The following CD36 variants were observed in gnomAD, a reference collection of about 807,000 sequenced individuals.
CD36 encodes the protein CD36 molecule (CD36 blood group), also known as platelet glycoprotein 4.
Under a neutral mutation model 55.2 loss-of-function variants are expected in CD36, and 119 were observed. The ratio of observed to expected loss-of-function variants is 2.15; its 90% CI spans 1.86 to 2.51. The LOEUF is 2.51. Ranked by LOEUF, CD36 falls within the 30% of genes most tolerant of loss-of-function variation. The pLI is 0.00. For synonymous variants in CD36, 186 were observed against 193.6 expected (o/e 0.96, Z 0.33); for missense variants, 819 against 555.5 (o/e 1.47, Z -4.77).
In CD36 at chr7:80,671,902, C is replaced by G. The variant is rs3212017; in HGVS notation, c.1007-20C>G. Reference sequence around the variant, plus strand: ...GAAGGAAGTTATTAATTCCAATTGACTCTTAAAACTTGTCTTCAGGGAGAC... The same window carrying G: ...GAAGGAAGTTATTAATTCCAATTGAGTCTTAAAACTTGTCTTCAGGGAGAC... On this transcript the variant is annotated intron_variant, in intron 10 of 14. Coordinates refer to ENST00000447544, the MANE Select transcript of CD36 (RefSeq NM_001001548.3). The G allele has an allele frequency of 5.1e-4, 817 of 1,606,362 alleles. No homozygotes were observed. The highest frequency in any genetic ancestry group is 6.4e-4 in the Non-Finnish European group (756 of 1,174,216).
chr7:80,663,247 A>G, intron 6 of CD36, 78 bp downstream of exon 6: 1 of 1,244,406 alleles, frequency 8.0e-7, no homozygotes, highest in Non-Finnish European at 1.2e-6. Flanking sequence ...GCATAATTTT[A>G]TAATTTAGCT....
In CD36 at chr7:80,664,477, C is replaced by A. The variant is rs371782363; in HGVS notation, c.681C>A (p.Ile227=). ...ATAACATAAGTAAAGTTGCCATAAT[C>A]GACACATATAAAGGTAAAAGGTAAG... ...GKDNISKVAI[I]DTYKGKRNLS... Residue 227 remains isoleucine, a synonymous_variant, in exon 7 of 15, where the codon ATC becomes ATA. Coordinates refer to ENST00000447544, the MANE Select transcript of CD36 (RefSeq NM_001001548.3). 1.3e-5 allele frequency: 20 copies of A among 1,561,528 alleles called. No individual in the cohort carries two copies. The East Asian group carries it at 4.5e-4, about 35-fold the overall frequency.
At chr7:80,628,709 G>A (rs937279696) in intron 1 of CD36, among the ~76,000 whole-genome samples, 5 of 152,010 alleles carry the variant, frequency 3.3e-5, no homozygotes, top group Admixed American at 3.3e-4. Context: ...ACAGATCCCA[G>A]TTAATTTAAT....
chr7:80,672,350 G>A (rs1323738312), intron 11 of CD36, among the ~76,000 whole-genome samples: 2 of 151,764 alleles, frequency 1.3e-5, no homozygotes, highest in Admixed American at 6.6e-5. Context: ...TAGCGCAACA[G>A]TTTTAATCAT....
intron 1 of CD36, among the ~76,000 whole-genome samples, chr7:80,623,202 T>G (rs4545029): frequency 0.46 from 70,554 of 151,908 alleles, 17,219 homozygotes; most frequent in Non-Finnish European, 0.54. Context: ...GGACCAGCTC[T>G]AGAATGAATG....
chr7:80,641,874 G>C (rs886740858), intron 1 of CD36, among the ~76,000 whole-genome samples: 1 of 151,772 alleles, frequency 6.6e-6, no homozygotes, highest in Non-Finnish European at 1.5e-5. Context: ...GTTTCTACTG[G>C]GTTCCCAATA....
At chr7:80,609,653 T>A (rs1443186734) in intron 1 of CD36, among the ~76,000 whole-genome samples, 3 of 152,204 alleles carry the variant, frequency 2.0e-5, no homozygotes, top group Non-Finnish European at 4.4e-5. Flanking sequence ...TACTGATTGA[T>A]AAAATATTTG....
At chr7:80,620,152 G>A (rs943740544) in intron 1 of CD36, among the ~76,000 whole-genome samples, 11 of 152,064 alleles carry the variant, frequency 7.2e-5, no homozygotes, top group African/African-American at 2.7e-4. Flanking sequence ...CAAAAGCAGA[G>A]TTCGATGACA....
At chr7:80,605,823 G>T (rs946256573) in intron 1 of CD36, among the ~76,000 whole-genome samples, 19 of 152,050 alleles carry the variant, frequency 1.2e-4, no homozygotes, top group Admixed American at 9.8e-4. Context: ...AGAGCTGTTT[G>T]GGCAATAGGT....
intron 4 of CD36, among the ~76,000 whole-genome samples, chr7:80,659,508 C>T (rs1057189237): frequency 6.6e-6 from 1 of 152,156 alleles, no homozygotes; most frequent in African/African-American, 2.4e-5. Flanking sequence ...TTGAGAAAAG[C>T]ATAAATTCCT....
intron 1 of CD36, among the ~76,000 whole-genome samples, chr7:80,602,548 C>T (rs1792297821): frequency 6.6e-6 from 1 of 151,930 alleles, no homozygotes; most frequent in Non-Finnish European, 1.5e-5. Flanking sequence ...AAGTTTTAAC[C>T]AAATGGTTAA....
upstream of CD36, chr7:80,637,079 A>G (rs1219737086): frequency 6.6e-6 from 1 of 152,016 alleles, no homozygotes; most frequent in Non-Finnish European, 1.5e-5. Flanking sequence ...TTGCGATCAT[A>G]TTTTCATTAT....
chr7:80,640,464 C>A (rs907171287), intron 1 of CD36, among the ~76,000 whole-genome samples: 1 of 151,858 alleles, frequency 6.6e-6, no homozygotes, highest in Admixed American at 6.6e-5. Context: ...ATACTTGCAA[C>A]CTTATTTGAT....
chr7:80,630,456 CAACAG>C (rs764828525), intron 1 of CD36, among the ~76,000 whole-genome samples: 3 of 151,810 alleles, frequency 2.0e-5, no homozygotes, highest in Non-Finnish European at 2.9e-5. Flanking sequence ...AGCCAAAAAT[CAACAG>C]AACAGACAAA....
intron 3 of CD36, among the ~76,000 whole-genome samples, chr7:80,649,160 A>G (rs1795407569): frequency 1.3e-5 from 2 of 152,096 alleles, no homozygotes; most frequent in African/African-American, 4.8e-5. Context: ...ATCTTCAAAA[A>G]TATCTGTGAG....
intron 1 of CD36, among the ~76,000 whole-genome samples, chr7:80,614,072 C>A (rs535633909): frequency 9.2e-5 from 14 of 152,110 alleles, no homozygotes; most frequent in Non-Finnish European, 1.8e-4. Context: ...AGCATTAATG[C>A]CAATCAGCTT....
At chr7:80,604,853 A>G (rs1792454555) in intron 1 of CD36, among the ~76,000 whole-genome samples, 1 of 152,166 alleles carries the variant, frequency 6.6e-6, no homozygotes, top group Non-Finnish European at 1.5e-5. Context: ...TTAAAAAAAT[A>G]TATATTAGTC....
chr7:80,646,959 T>C, intron 3 of CD36, 99 bp downstream of exon 3: 1 of 1,309,098 alleles, frequency 7.6e-7, no homozygotes, highest in South Asian at 1.2e-5. Context: ...TGGTAACTGC[T>C]AATTTTGTAT....
At chr7:80,641,274 C>A (rs1317880640) in intron 1 of CD36, among the ~76,000 whole-genome samples, 2 of 151,920 alleles carry the variant, frequency 1.3e-5, no homozygotes, top group Non-Finnish European at 2.9e-5. Context: ...TGTTTTACAC[C>A]CATTTCTACT....
Sources: allele counts gnomAD v4.1 joint callset (sites outside exome capture counted in the v4.1 genomes callset), GRCh38; gene constraint gnomAD v4.1.1; transcripts MANE v1.5; gene names NCBI Gene and HGNC (gene_info 2026-07-23, HGNC 2026-07-21).